Variants in PTPRM observed in about 807,000 individuals in gnomAD.
The protein encoded by PTPRM is receptor-type tyrosine-protein phosphatase mu.
Under a neutral mutation model 186.7 loss-of-function variants are expected in PTPRM, and 47 were observed. The observed-to-expected ratio is 0.25, with a 90% CI of 0.20 to 0.32. The LOEUF (loss-of-function observed/expected upper bound fraction) is 0.32, where lower values mean the gene tolerates loss of function less well. Ranked by LOEUF, PTPRM falls within the 10% of genes least tolerant of loss-of-function variation. The pLI, the probability that PTPRM is intolerant of heterozygous loss-of-function variation, is 1.00. For missense variants in PTPRM, 1,494 were observed against 1,865.0 expected (o/e 0.80, Z 3.66); for synonymous variants, 668 against 674.9 (o/e 0.99, Z 0.16).
At chr18:8,014,230 A>G (rs1163249867) in intron 7 of PTPRM, among the ~76,000 whole-genome samples, 3 of 152,210 alleles carry the variant, frequency 2.0e-5, no homozygotes, top group Admixed American at 1.3e-4. Flanking sequence ...AATTTAGGCA[A>G]TTAAACTTTA....
chr18:7,617,317 C>T (rs1284175305), intron 1 of PTPRM, among the ~76,000 whole-genome samples: 5 of 152,172 alleles, frequency 3.3e-5, no homozygotes, highest in African/African-American at 9.7e-5. Flanking sequence ...TAATTAGACT[C>T]CTCCTCGATG....
At chr18:7,589,495 A>G (rs2037067613) in intron 1 of PTPRM, among the ~76,000 whole-genome samples, 1 of 152,164 alleles carries the variant, frequency 6.6e-6, no homozygotes. Context: ...CTATGGCCCA[A>G]CTTTAATCTT....
chr18:7,830,954 TGAA>T (rs1306429689), intron 2 of PTPRM, among the ~76,000 whole-genome samples: 1 of 152,220 alleles, frequency 6.6e-6, no homozygotes, highest in African/African-American at 2.4e-5. Flanking sequence ...GAGTTTGTCT[TGAA>T]TTGCTTATCT....
In PTPRM at chr18:8,095,366, A is replaced by T. The variant is rs868338682; in HGVS notation, c.1856+6515A>T. On this transcript the variant is annotated intron_variant, in intron 11 of 32. Coordinates refer to ENST00000580170, the MANE Select transcript of PTPRM (RefSeq NM_001105244.2). ...CAGGGAGGTTAGATATGTGGCAAGG[A>T]ATAAAAAAATGAGAGAGACAGGTTG... Among the ~76,000 whole-genome samples, 3 of 152,210 alleles carry T rather than the reference A, an allele frequency of 2.0e-5. No individual in the cohort carries two copies. The Middle Eastern group carries it at 0.01, about 518-fold the overall frequency.
chr18:8,167,005 A>T (rs1423798471), intron 14 of PTPRM, among the ~76,000 whole-genome samples: 4 of 152,220 alleles, frequency 2.6e-5, no homozygotes, highest in African/African-American at 9.7e-5. Context: ...TTAATAAAAG[A>T]AGCACCCTGC....
At chr18:7,722,096 C>T (rs1332843468) in intron 1 of PTPRM, among the ~76,000 whole-genome samples, 1 of 152,156 alleles carries the variant, frequency 6.6e-6, no homozygotes, top group Non-Finnish European at 1.5e-5. Context: ...TCTAGCATTA[C>T]AGTATCATAC....
chr18:8,102,279 G>C (rs2091325414), intron 11 of PTPRM, among the ~76,000 whole-genome samples: 1 of 152,156 alleles, frequency 6.6e-6, no homozygotes, highest in Non-Finnish European at 1.5e-5. Context: ...CCTAAAATAA[G>C]ACAATGAAAT....
At chr18:7,592,962 C>A (rs534368234) in intron 1 of PTPRM, among the ~76,000 whole-genome samples, 83 of 152,266 alleles carry the variant, frequency 5.5e-4, no homozygotes, top group African/African-American at 1.9e-3. Flanking sequence ...TCTATTACAA[C>A]CTGGATTAGA....
intron 4 of PTPRM, among the ~76,000 whole-genome samples, chr18:7,923,051 A>C (rs2146757431): frequency 6.6e-6 from 1 of 152,286 alleles, no homozygotes; most frequent in Admixed American, 6.5e-5. Context: ...TAGTAGCATA[A>C]TTCTGCTGCG....
chr18:8,250,261 T>C (rs554619818), intron 17 of PTPRM, among the ~76,000 whole-genome samples: 18 of 152,264 alleles, frequency 1.2e-4, no homozygotes, highest in Admixed American at 1.1e-3. Context: ...GATGGATGGA[T>C]GGATGGATGG....
chr18:7,847,636 G>A (rs1164945469), intron 2 of PTPRM, among the ~76,000 whole-genome samples: 3 of 152,104 alleles, frequency 2.0e-5, no homozygotes, highest in Non-Finnish European at 4.4e-5. Flanking sequence ...TTCATTCTGA[G>A]GCAGAGTTTC....
chr18:7,833,743 A>AAACAACAACAACAAC lies in PTPRM; in HGVS notation c.197-54336_197-54322dup, dbSNP rs150303636. Among the ~76,000 whole-genome samples, 3 of 149,744 alleles carry AAACAACAACAACAAC rather than the reference A, an allele frequency of 2.0e-5. No individual in the cohort carries two copies. In the South Asian group the frequency reaches 6.4e-4, roughly 32 times the overall value. On this transcript the variant is annotated intron_variant, in intron 2 of 32. Coordinates refer to ENST00000580170, the MANE Select transcript of PTPRM (RefSeq NM_001105244.2). The stretch of plus-strand genomic sequence containing the variant: ...GAGCGAGACTCTGTCTCAGAAAGAA[A>AAACAACAACAACAAC]AACAACAACAACAACAACAACAACA...
chr18:7,656,545 T>C (rs2038853442), intron 1 of PTPRM, among the ~76,000 whole-genome samples: 1 of 152,118 alleles, frequency 6.6e-6, no homozygotes, highest in Admixed American at 6.5e-5. Flanking sequence ...AGACTGTGAA[T>C]TTTATGTTAT....
intron 1 of PTPRM, among the ~76,000 whole-genome samples, chr18:7,613,096 C>T (rs777531733): frequency 2.0e-5 from 3 of 152,160 alleles, no homozygotes; most frequent in Non-Finnish European, 4.4e-5. Flanking sequence ...GCAGATATCA[C>T]CCCATGTGCC....
intron 1 of PTPRM, among the ~76,000 whole-genome samples, chr18:7,724,416 C>T (rs559731525): frequency 1.3e-5 from 2 of 152,266 alleles, no homozygotes; most frequent in East Asian, 1.9e-4. Context: ...TTAACCTAGA[C>T]CAAACCTACA....
At chr18:7,761,021 A>C (rs1477216490) in intron 1 of PTPRM, among the ~76,000 whole-genome samples, 3 of 152,204 alleles carry the variant, frequency 2.0e-5, no homozygotes, top group Non-Finnish European at 4.4e-5. Flanking sequence ...CTAAAAAGTA[A>C]ATGGAATATT....
intron 2 of PTPRM, among the ~76,000 whole-genome samples, chr18:7,882,163 A>C (rs2146291818): frequency 6.6e-6 from 1 of 152,268 alleles, no homozygotes; most frequent in Admixed American, 6.5e-5. Flanking sequence ...GTCTTTAGAA[A>C]ATTTTTATAG....
At chr18:8,272,310 T>G (rs1420852626) in intron 19 of PTPRM, among the ~76,000 whole-genome samples, 3 of 152,032 alleles carry the variant, frequency 2.0e-5, no homozygotes, top group Non-Finnish European at 2.9e-5. Context: ...CTTTTAATAC[T>G]GTTCTTTATT....
At chr18:8,049,142 C>CAA (rs2087282656) in intron 7 of PTPRM, among the ~76,000 whole-genome samples, 1 of 152,188 alleles carries the variant, frequency 6.6e-6, no homozygotes, top group Non-Finnish European at 1.5e-5. Context: ...TTGTTTCATA[C>CAA]AACAGTTTCC....
Sources: gnomAD v4.1 joint callset for allele counts (sites outside exome capture counted in the v4.1 genomes callset) on GRCh38, gnomAD v4.1.1 for gene constraint, MANE v1.5 for transcripts, NCBI Gene and HGNC (gene_info 2026-07-23, HGNC 2026-07-21) for gene names.